Variants in CASD1 observed in about 807,000 individuals in gnomAD.
CASD1 encodes CAS1 domain sialic acid O acetyltransferase 1, also known as N-acetylneuraminate (7)9-O-acetyltransferase.
Under a neutral mutation model 100.0 loss-of-function variants are expected in CASD1, and 41 were observed. The ratio of observed to expected loss-of-function variants is 0.41; its 90% confidence interval spans 0.32 to 0.53. CASD1 has a LOEUF of 0.53. Among genes scored for constraint, CASD1 ranks in the 20% least tolerant of loss-of-function variants. The probability of loss-of-function intolerance (pLI) is 0.25; values close to 1 mark genes in which losing one functional copy is unlikely to be tolerated. For synonymous variants in CASD1, 321 were observed against 315.6 expected (o/e 1.02, Z -0.18); for missense variants, 774 against 948.7 (o/e 0.82, Z 2.42).
chr7:94,600,293 AT>A, the CASD1 span: 2 of 240,970 alleles, frequency 8.3e-6, no homozygotes, highest in Admixed American at 1.0e-4. Context: ...AACTAACACA[AT>A]TTTTTTAAGT....
At chr7:94,588,507 T>G in the CASD1 span, 1 of 1,427,280 alleles carries the variant, frequency 7.0e-7, no homozygotes, top group African/African-American at 1.4e-5. Context: ...TTTATCATTC[T>G]GATGCCAATC....
intron 17 of CASD1, 137 bp downstream of exon 17, chr7:94,554,712 T>C (rs373488194): frequency 9.5e-6 from 5 of 527,102 alleles, no homozygotes; most frequent in African/African-American, 1.9e-5. Flanking sequence ...GAAGCTATTA[T>C]GGAATTACAG....
At chr7:94,541,713 T>A (rs1404498715) in intron 10 of CASD1, among the ~76,000 whole-genome samples, 1 of 152,034 alleles carries the variant, frequency 6.6e-6, no homozygotes, top group African/African-American at 2.4e-5. Flanking sequence ...ATATTCTTAA[T>A]ACTAAACTTT....
At chr7:94,535,260 C>T (rs1487860954) in intron 7 of CASD1, 49 bp from the exon 8 acceptor site, 1 of 1,387,934 alleles carries the variant, frequency 7.2e-7, no homozygotes, top group African/African-American at 1.4e-5. Context: ...ACAATTTTTA[C>T]CAATAGGGAT....
At chr7:94,589,968 A>G in the CASD1 span, 1 of 152,304 alleles carries the variant, frequency 6.6e-6, no homozygotes, top group Non-Finnish European at 1.5e-5. Context: ...CTTGGGGACC[A>G]CTGTTCTAAG....
the CASD1 span, among the ~76,000 whole-genome samples, chr7:94,566,704 C>T: frequency 2.6e-5 from 4 of 152,284 alleles, no homozygotes; most frequent in East Asian, 7.7e-4. Flanking sequence ...ACTTTTCTCT[C>T]TCTTTTTTTC....
intron 16 of CASD1, chr7:94,553,975 C>A (rs1236060232): frequency 6.6e-6 from 1 of 152,054 alleles, no homozygotes; most frequent in Non-Finnish European, 1.5e-5. Flanking sequence ...GAATATAGTT[C>A]AAGACATCAT....
the CASD1 span, among the ~76,000 whole-genome samples, chr7:94,602,019 T>G: frequency 6.6e-6 from 1 of 152,066 alleles, no homozygotes. Context: ...CCTTAACAGA[T>G]AAACAAAAAT....
the CASD1 span, among the ~76,000 whole-genome samples, chr7:94,573,952 TTATTGAAAGCCTTTTCTGCATC>T: frequency 1.3e-5 from 2 of 152,208 alleles, no homozygotes; most frequent in Admixed American, 1.3e-4. Flanking sequence ...GTGTTGAATT[TTATTGAAAGCCTTTTCTGCATC>T]TATTGAGATA....
At chr7:94,594,756 C>A in the CASD1 span, among the ~76,000 whole-genome samples, 1 of 151,986 alleles carries the variant, frequency 6.6e-6, no homozygotes, top group African/African-American at 2.4e-5. Context: ...ACAATCATTC[C>A]AAAATAAAAA....
chr7:94,621,285 G>A, the CASD1 span: 3 of 152,318 alleles, frequency 2.0e-5, no homozygotes, highest in South Asian at 6.2e-4. Flanking sequence ...GTTCAAATAG[G>A]TTTGGGCCAC....
the CASD1 span, chr7:94,624,641 G>A: frequency 6.3e-6 from 1 of 159,590 alleles, no homozygotes; most frequent in South Asian, 2.0e-4. Flanking sequence ...TACAAAAAAT[G>A]CAAAATAGAT....
intron 8 of CASD1, among the ~76,000 whole-genome samples, chr7:94,536,995 T>C (rs1439140230): frequency 1.3e-4 from 20 of 152,252 alleles, no homozygotes; most frequent in Admixed American, 1.0e-3. Flanking sequence ...GTGCTTTTTT[T>C]CCCCCACATT....
the CASD1 span, among the ~76,000 whole-genome samples, chr7:94,567,122 T>C: frequency 1.3e-5 from 2 of 152,184 alleles, no homozygotes; most frequent in East Asian, 1.9e-4. Context: ...TTTTTTTTTT[T>C]TAATCTTTCT....
intron 1 of CASD1, among the ~76,000 whole-genome samples, chr7:94,510,655 G>T (rs1270890870): frequency 6.6e-6 from 1 of 152,208 alleles, no homozygotes; most frequent in Non-Finnish European, 1.5e-5. Context: ...CAGTGGGGTC[G>T]CAGGTCCTGC....
At chr7:94,547,006 T>A (rs1795713419) in intron 12 of CASD1, 90 bp from the exon 13 acceptor site, 1 of 717,828 alleles carries the variant, frequency 1.4e-6, no homozygotes, top group Non-Finnish European at 2.2e-6. Flanking sequence ...TTAAGAACTA[T>A]TCAGCATGTA....
At chr7:94,532,541 G>T (rs141926438) in intron 5 of CASD1, among the ~76,000 whole-genome samples, 49 of 152,184 alleles carry the variant, frequency 3.2e-4, no homozygotes, top group African/African-American at 8.7e-4. Flanking sequence ...ACTCAGAATG[G>T]CACATAATTT....
chr7:94,513,879 A>T (rs1793841319), intron 1 of CASD1, among the ~76,000 whole-genome samples: 1 of 152,166 alleles, frequency 6.6e-6, no homozygotes, highest in South Asian at 2.1e-4. Context: ...AATTATTAAT[A>T]TTATTTTCAC....
chr7:94,592,387 C>T, the CASD1 span, among the ~76,000 whole-genome samples: 1 of 151,966 alleles, frequency 6.6e-6, no homozygotes, highest in Non-Finnish European at 1.5e-5. Flanking sequence ...AGCGGGGGGT[C>T]GACTTCAAAT....
Sources: allele counts gnomAD v4.1 joint callset (sites outside exome capture counted in the v4.1 genomes callset), GRCh38; gene constraint gnomAD v4.1.1; transcripts MANE v1.5; gene names NCBI Gene and HGNC (gene_info 2026-07-23, HGNC 2026-07-21).